NIN: variants seen among roughly 807,000 people sequenced by gnomAD.
NIN encodes ninein.
NIN carries 137 observed loss-of-function variants against 257.6 expected under a neutral mutation model. That is an observed-to-expected ratio of 0.53 (90% CI 0.46 to 0.61). The LOEUF (loss-of-function observed/expected upper bound fraction) is 0.61, where lower values mean the gene tolerates loss of function less well. NIN is among the 20% of genes least tolerant of loss of function. NIN has a pLI of 0.00. For missense variants in NIN, 2,439 were observed against 2,501.2 expected (o/e 0.98, Z 0.53); for synonymous variants, 918 against 919.8 (o/e 1.00, Z 0.04).
At position 50,757,007 on chromosome 14, in the gene NIN, C is replaced by T; in HGVS notation, c.4023G>A (p.Gln1341=). Reference sequence around the variant, plus strand: ...CTTCCCATAAGCAGCAGTCACACCGCTGGACCACGCTTTCCTGAAGCTTCT... The same window carrying T: ...CTTCCCATAAGCAGCAGTCACACCGTTGGACCACGCTTTCCTGAAGCTTCT... ...KIEKLQESVV[Q]RCDCCLWEAS... is the part of the protein sequence containing the mutation. The change falls in exon 18 of 31, where the codon CAG becomes CAA. Residue 1341 remains glutamine (Q), a synonymous_variant. Coordinates refer to ENST00000530997, the MANE Select transcript of NIN (RefSeq NM_020921.4). The T allele has an allele frequency of 1.9e-6, 3 of 1,613,120 alleles. No individual in the cohort carries two copies. The highest frequency in any genetic ancestry group is 1.7e-6 in the Non-Finnish European group (2 of 1,179,628).
At chr14:50,802,915 TA>T (rs901525962) in intron 4 of NIN, among the ~76,000 whole-genome samples, 1 of 152,234 alleles carries the variant, frequency 6.6e-6, no homozygotes, top group Non-Finnish European at 1.5e-5. Context: ...TTTGGTGTTA[TA>T]AAATATCAAT....
intron 4 of NIN, chr14:50,805,897 CT>C (rs1312701041): frequency 1.3e-5 from 2 of 152,124 alleles, no homozygotes; most frequent in South Asian, 2.1e-4. Flanking sequence ...ACTCCTGCCC[CT>C]ACCCCAACAA....
intron 29 of NIN, 131 bp from the exon 30 acceptor site, chr14:50,726,197 T>C (rs1386115220): frequency 2.9e-6 from 2 of 689,366 alleles, no homozygotes; most frequent in Admixed American, 2.8e-5. Context: ...GGATTTCTCA[T>C]GAAATGAGAG....
At chr14:50,730,755 TGA>T (rs1264835827) in intron 28 of NIN, 1 of 188,746 alleles carries the variant, frequency 5.3e-6, no homozygotes, top group Non-Finnish European at 9.9e-6. Flanking sequence ...CTTTAAATAC[TGA>T]GGAAAAGTTT....
At chr14:50,751,680 C>T (rs1485443457) in intron 21 of NIN, among the ~76,000 whole-genome samples, 1 of 152,144 alleles carries the variant, frequency 6.6e-6, no homozygotes, top group Non-Finnish European at 1.5e-5. Flanking sequence ...GTGTGTGCCA[C>T]TACACCCAGC....
Position 50,745,533 on chromosome 14 carries a change from A to T in NIN, c.5065-1168T>A, listed in dbSNP as rs532404944. On this transcript the variant is annotated intron_variant, in intron 22 of 30. Transcript: ENST00000530997. ...TACTTCCTGAACCTGAAATTCTTTC[A>T]CATTTAGCTGTAGGAATAGTATGAC... Among the ~76,000 whole-genome samples the T allele has an allele frequency of 3.3e-5, 5 of 152,280 alleles. No homozygotes were observed. The South Asian group carries it at 1.0e-3, about 32-fold the overall frequency.
chr14:50,794,839 C>T (rs763169880), intron 4 of NIN, among the ~76,000 whole-genome samples: 3 of 151,746 alleles, frequency 2.0e-5, no homozygotes, highest in Admixed American at 6.6e-5. Flanking sequence ...CCAAACCTAC[C>T]GGTGGATGAA....
intron 4 of NIN, among the ~76,000 whole-genome samples, chr14:50,799,440 A>G (rs2043985689): frequency 6.6e-6 from 1 of 152,214 alleles, no homozygotes; most frequent in African/African-American, 2.4e-5. Context: ...AGAGTCTCTC[A>G]GTCCTCAATC....
chr14:50,820,200 T>C (rs1422515021), intron 3 of NIN, among the ~76,000 whole-genome samples: 4 of 152,158 alleles, frequency 2.6e-5, no homozygotes, highest in African/African-American at 7.2e-5. Context: ...TATAGACCAC[T>C]TAAGTATTCA....
At chr14:50,725,672 A>C (rs2040380350) in intron 30 of NIN, among the ~76,000 whole-genome samples, 1 of 151,924 alleles carries the variant, frequency 6.6e-6, no homozygotes, top group Non-Finnish European at 1.5e-5. Context: ...ATTTTTTTTG[A>C]TCTTTAAAAT....
At chr14:50,730,867 G>C in intron 28 of NIN, 3 of 1,270,852 alleles carry the variant, frequency 2.4e-6, no homozygotes, top group Non-Finnish European at 2.1e-6. Flanking sequence ...ACATGAGCAA[G>C]GGGTTTAATG....
At chr14:50,807,686 C>T (rs1316175809) in intron 3 of NIN, among the ~76,000 whole-genome samples, 1 of 152,208 alleles carries the variant, frequency 6.6e-6, no homozygotes, top group African/African-American at 2.4e-5. Flanking sequence ...CATTACAAAA[C>T]ACTGCCTAGA....
intron 3 of NIN, among the ~76,000 whole-genome samples, chr14:50,811,864 G>C (rs1472155696): frequency 1.3e-5 from 2 of 152,052 alleles, no homozygotes; most frequent in South Asian, 2.1e-4. Context: ...CGTGGTGGCG[G>C]GCGCCTGTAG....
In NIN at chr14:50,757,989, CTG is replaced by C; in HGVS notation, c.3039_3040del (p.Arg1014ThrfsTer4). 6.2e-7 allele frequency: 1 copy of C among 1,614,198 alleles called. No homozygotes were observed. Among genetic ancestry groups the C allele is most frequent in the Non-Finnish European group, 8.5e-7 (1 of 1,180,036 alleles). Reference sequence around the variant, plus strand: ...CATTTCCTTTATTTTACTCTGAAGTCTGGAGATTTCTGTGCTCATCTCGGCTC... The same window carrying C: ...CATTTCCTTTATTTTACTCTGAAGTCGAGATTTCTGTGCTCATCTCGGCTC... On this transcript the variant is annotated frameshift_variant, in exon 18 of 31. Transcript: ENST00000530997. LOFTEE classifies it high-confidence loss of function.
chr14:50,780,429 C>T (rs1195188365), intron 5 of NIN, among the ~76,000 whole-genome samples: 2 of 152,198 alleles, frequency 1.3e-5, no homozygotes, highest in Admixed American at 1.3e-4. Flanking sequence ...ATACCTGTCT[C>T]TAGAACTTGG....
At chr14:50,767,592 C>T (rs538737246) in intron 12 of NIN, among the ~76,000 whole-genome samples, 1,547 of 152,084 alleles carry the variant, frequency 0.01, 25 homozygotes, top group African/African-American at 0.035. Context: ...CCAAGGTGGG[C>T]GGATCATGAG....
chr14:50,737,156 G>A (rs2140439433), intron 27 of NIN, among the ~76,000 whole-genome samples: 1 of 152,248 alleles, frequency 6.6e-6, no homozygotes, highest in South Asian at 2.1e-4. Context: ...ATCATAAAGG[G>A]ACCACAGCTT....
intron 4 of NIN, chr14:50,794,529 G>T: frequency 1.0e-6 from 1 of 980,098 alleles, no homozygotes; most frequent in Non-Finnish European, 1.2e-6. Context: ...ACAGATGCTA[G>T]TCAGATAAGA....
intron 4 of NIN, among the ~76,000 whole-genome samples, chr14:50,805,265 G>C (rs1308675424): frequency 6.6e-6 from 1 of 152,134 alleles, no homozygotes; most frequent in Non-Finnish European, 1.5e-5. Flanking sequence ...CAAGATGACA[G>C]ACAACCTTAA....
Sources: gnomAD v4.1 joint callset for allele counts (sites outside exome capture counted in the v4.1 genomes callset) on GRCh38, gnomAD v4.1.1 for gene constraint, MANE v1.5 for transcripts, NCBI Gene and HGNC (gene_info 2026-07-23, HGNC 2026-07-21) for gene names.